CEACAM1: variants seen among roughly 807,000 people sequenced by gnomAD.
CEACAM1 encodes CEA cell adhesion molecule 1, also known as cell adhesion molecule CEACAM1.
Under a neutral mutation model 49.1 loss-of-function variants are expected in CEACAM1, and 31 were observed. The observed-to-expected ratio is 0.63, with a 90% CI of 0.47 to 0.85. The LOEUF (loss-of-function observed/expected upper bound fraction) is 0.85. Ranked by LOEUF, CEACAM1 falls within the 40% of genes least tolerant of loss-of-function variation. CEACAM1 has a pLI of 0.00. For synonymous variants in CEACAM1, 244 were observed against 247.8 expected (o/e 0.98, Z 0.14); for missense variants, 570 against 645.3 (o/e 0.88, Z 1.26).
chr19:42,513,733 A>G (rs2041520516), intron 5 of CEACAM1, among the ~76,000 whole-genome samples: 1 of 147,242 alleles, frequency 6.8e-6, no homozygotes, highest in Non-Finnish European at 1.5e-5. Flanking sequence ...CATTTTCCCC[A>G]ATAAATTATC....
intron 2 of CEACAM1, among the ~76,000 whole-genome samples, chr19:42,522,789 C>T (rs988825386): frequency 6.6e-6 from 1 of 151,852 alleles, no homozygotes; most frequent in Non-Finnish European, 1.5e-5. Context: ...CTCCTGACCT[C>T]GTGATCTGCC....
intron 6 of CEACAM1, 119 bp downstream of exon 6, chr19:42,512,231 A>C: frequency 8.7e-7 from 1 of 1,153,136 alleles, no homozygotes; most frequent in South Asian, 1.4e-5. Context: ...GCCGAGAAGC[A>C]GGAGTTTAGT....
intron 5 of CEACAM1, 112 bp from the exon 6 acceptor site, chr19:42,512,591 AGTTTC>A: frequency 3.6e-6 from 4 of 1,098,878 alleles, no homozygotes; most frequent in Non-Finnish European, 5.3e-6. Context: ...CAAGGAATAC[AGTTTC>A]GTTGTGGGAA....
chr19:42,527,710 C>T lies in CEACAM1; in HGVS notation c.65-310G>A, dbSNP rs77080078. On this transcript the variant is annotated intron_variant, in intron 1 of 8. Coordinates refer to ENST00000161559, the MANE Select transcript of CEACAM1 (RefSeq NM_001712.5). ...CTCTTGGGAGATCCTTTCCCTGACACCTCCCCTAGAGACCCTGGGTATTCC... is the reference window on the plus strand; with the variant it reads ...CTCTTGGGAGATCCTTTCCCTGACATCTCCCCTAGAGACCCTGGGTATTCC... 56 of 301,846 alleles carry T rather than the reference C, an allele frequency of 1.9e-4. No homozygotes were observed. In the East Asian group the frequency reaches 3.6e-3, roughly 19 times the overall value. 18.7% of individuals were successfully genotyped at this position (301,846 alleles called of 1,614,324 possible). A position where few individuals can be genotyped will look rare whatever the true frequency, so the allele number is the denominator to read the frequency against.
chr19:42,511,928 A>C (rs1177353635), intron 6 of CEACAM1, among the ~76,000 whole-genome samples: 1 of 133,158 alleles, frequency 7.5e-6, no homozygotes, highest in Admixed American at 7.5e-5. Context: ...TTCTCTATTT[A>C]TTGTTCAAGA....
At chr19:42,526,257 C>T (rs2041887253) in intron 2 of CEACAM1, among the ~76,000 whole-genome samples, 1 of 152,130 alleles carries the variant, frequency 6.6e-6, no homozygotes, top group African/African-American at 2.4e-5. Context: ...CTCCCGGCCG[C>T]AGCATCTATT....
chr19:42,511,576 T>A lies in CEACAM1; in HGVS notation c.1429A>T (p.Thr477Ser), dbSNP rs760851492. The A allele has an allele frequency of 5.0e-6, 8 of 1,613,566 alleles. No homozygotes were observed. The highest frequency in any genetic ancestry group is 6.8e-6 in the Non-Finnish European group (8 of 1,179,816). The change falls in exon 7 of 9, where the codon ACT becomes TCT. Residue 477 changes from threonine to serine, a missense_variant and splice_region_variant. Thr to Ser is a moderately conservative substitution (Grantham distance 58, BLOSUM62 1). Coordinates refer to ENST00000161559, the MANE Select transcript of CEACAM1 (RefSeq NM_001712.5). ...TEHKPSVSNHTQDHSNDPPNK... is the reference protein window; with the variant it reads ...TEHKPSVSNHSQDHSNDPPNK... ...CACTGGGGTAAGTGGCTTTACTTAC[T>A]GTGGTTGGAGACTGAGGGTTTGTGC...
chr19:42,517,178 TTC>T (rs1304337861), intron 5 of CEACAM1, among the ~76,000 whole-genome samples: 1 of 152,178 alleles, frequency 6.6e-6, no homozygotes, highest in African/African-American at 2.4e-5. Context: ...TAAAAATTAA[TTC>T]AAAATGCATA....
chr19:42,513,915 T>TATATATATATATATAAATAA lies in CEACAM1; in HGVS notation c.1247-1437_1247-1436insTTATTTATATATATATATAT, dbSNP rs1432939598. Among the ~76,000 whole-genome samples, 180 of 129,750 alleles carry TATATATATATATATAAATAA rather than the reference T, an allele frequency of 1.4e-3. 1 individual carries two copies. Among genetic ancestry groups the TATATATATATATATAAATAA allele is most frequent in the African/African-American group, 6.4e-3 (173 of 27,150 alleles). 85.1% of individuals were successfully genotyped at this position (129,750 alleles called of 152,430 possible). A position where few individuals can be genotyped will look rare whatever the true frequency, so the allele number is the denominator to read the frequency against. On this transcript the variant is annotated intron_variant, in intron 5 of 8. Coordinates refer to ENST00000161559, the MANE Select transcript of CEACAM1 (RefSeq NM_001712.5). ...CTCCATATATATATATATATATATA[T>TATATATATATATATAAATAA]ATAATATATAAATAATACCTTTTGC...
intron 5 of CEACAM1, among the ~76,000 whole-genome samples, chr19:42,517,313 A>C (rs906361191): frequency 6.6e-6 from 1 of 152,264 alleles, no homozygotes; most frequent in African/African-American, 2.4e-5. Flanking sequence ...ACGAAAGAAG[A>C]AGTAGAGAAA....
chr19:42,512,044 T>G (rs776977508), intron 6 of CEACAM1, among the ~76,000 whole-genome samples: 6 of 152,176 alleles, frequency 3.9e-5, no homozygotes, highest in Non-Finnish European at 8.8e-5. Context: ...TCCTGCTGCT[T>G]CTTTCATTTT....
intron 4 of CEACAM1, 52 bp downstream of exon 4, chr19:42,521,215 C>T (rs1292386294): frequency 6.3e-7 from 1 of 1,590,842 alleles, no homozygotes; most frequent in Non-Finnish European, 8.6e-7. Flanking sequence ...TATTTGAAAA[C>T]CAGAAAGCTT....
chr19:42,516,905 C>A (rs1339528797), intron 5 of CEACAM1: 3 of 419,550 alleles, frequency 7.2e-6, no homozygotes, highest in Non-Finnish European at 1.4e-5. Context: ...AACAAAAAAA[C>A]CCAAACAACA....
At chr19:42,512,221 G>T in intron 6 of CEACAM1, 129 bp downstream of exon 6, 1 of 1,040,394 alleles carries the variant, frequency 9.6e-7, no homozygotes, top group Non-Finnish European at 1.4e-6. Flanking sequence ...GGGAATTAGT[G>T]CCGAGAAGCA....
At chr19:42,528,200 G>T in intron 1 of CEACAM1, 111 bp downstream of exon 1, 2 of 813,422 alleles carry the variant, frequency 2.5e-6, no homozygotes, top group African/African-American at 1.7e-5. Context: ...TCTCCTATTT[G>T]GCTCCAAGAG....
At chr19:42,527,991 C>T (rs1239224138) in intron 1 of CEACAM1, among the ~76,000 whole-genome samples, 3 of 152,232 alleles carry the variant, frequency 2.0e-5, no homozygotes, top group Non-Finnish European at 4.4e-5. Context: ...TGGCTCAGGG[C>T]TCTGTTTAAT....
At chr19:42,511,072 T>C (rs1038743113) in intron 7 of CEACAM1, 152 bp from the exon 8 acceptor site, 2 of 697,258 alleles carry the variant, frequency 2.9e-6, no homozygotes, top group African/African-American at 1.8e-5. Flanking sequence ...AGACCCAGCA[T>C]GTTAGTACCA....
intron 5 of CEACAM1, chr19:42,518,638 C>T (rs2041660464): frequency 3.1e-6 from 1 of 320,042 alleles, no homozygotes; most frequent in Non-Finnish European, 5.9e-6. Flanking sequence ...GCTGGGACTA[C>T]AGGCGCCCGC....
chr19:42,522,301 G>A (rs1300492840), intron 2 of CEACAM1, 99 bp from the exon 3 acceptor site: 1 of 1,531,814 alleles, frequency 6.5e-7, no homozygotes, highest in Non-Finnish European at 8.7e-7. Context: ...TGGAGATGGA[G>A]CCTCGCTCTG....
Sources: allele counts gnomAD v4.1 joint callset (sites outside exome capture counted in the v4.1 genomes callset), GRCh38; gene constraint gnomAD v4.1.1; transcripts MANE v1.5; gene names NCBI Gene and HGNC (gene_info 2026-07-23, HGNC 2026-07-21).